TXNDC11: variants seen among roughly 807,000 people sequenced by gnomAD.
TXNDC11 encodes the protein thioredoxin domain-containing protein 11.
A neutral mutation model predicts 78.0 loss-of-function variants in TXNDC11; 68 were observed. That is an observed-to-expected ratio of 0.87 (90% CI 0.72 to 1.07). The LOEUF (loss-of-function observed/expected upper bound fraction) is 1.07. Among genes scored for constraint, TXNDC11 ranks in the 50% least tolerant of loss-of-function variants. The probability of loss-of-function intolerance (pLI) is 0.00; values close to 1 mark genes in which losing one functional copy is unlikely to be tolerated. For missense variants in TXNDC11, 1,389 were observed against 1,221.8 expected (o/e 1.14, Z -2.04); for synonymous variants, 571 against 495.2 (o/e 1.15, Z -2.03).
At chr16:11,737,648 G>GATCTT (rs2052264984) in intron 1 of TXNDC11, among the ~76,000 whole-genome samples, 3 of 151,762 alleles carry the variant, frequency 2.0e-5, no homozygotes, top group South Asian at 2.1e-4. Context: ...CAGACCACGA[G>GATCTT]GTCAGGAGAT....
At chr16:11,688,506 A>T in intron 8 of TXNDC11, 61 bp from the exon 9 acceptor site, 1 of 1,352,438 alleles carries the variant, frequency 7.4e-7, no homozygotes, top group Non-Finnish European at 1.0e-6. Context: ...TAGCTGGCCT[A>T]CTTTTAAACT....
chr16:11,697,250 C>T (rs887799875), intron 7 of TXNDC11, among the ~76,000 whole-genome samples: 7 of 152,162 alleles, frequency 4.6e-5, no homozygotes, highest in Admixed American at 2.0e-4. Context: ...TCCACCTGGG[C>T]GAGAAGTCCT....
intron 4 of TXNDC11, among the ~76,000 whole-genome samples, chr16:11,726,920 G>C (rs1416835738): frequency 1.3e-5 from 2 of 152,060 alleles, no homozygotes; most frequent in East Asian, 3.9e-4. Flanking sequence ...AGGCGTGGAG[G>C]CACATGCCTG....
chr16:11,737,204 G>A (rs1567354269), intron 1 of TXNDC11, among the ~76,000 whole-genome samples: 1 of 152,142 alleles, frequency 6.6e-6, no homozygotes, highest in Non-Finnish European at 1.5e-5. Flanking sequence ...CCAGCACTTT[G>A]GGAGGCCGAG....
At chr16:11,731,317 T>C (rs866986702) in intron 3 of TXNDC11, among the ~76,000 whole-genome samples, 7 of 152,170 alleles carry the variant, frequency 4.6e-5, no homozygotes, top group South Asian at 2.1e-4. Context: ...CAATAACAAA[T>C]TATGTGAAGG....
intron 9 of TXNDC11, 113 bp from the exon 10 acceptor site, chr16:11,688,079 A>G (rs1428697582): frequency 1.0e-6 from 1 of 962,528 alleles, no homozygotes; most frequent in Non-Finnish European, 1.6e-6. Context: ...CTATGCAAAT[A>G]TTACAGTGAA....
rs1597409025 is a variant in TXNDC11 at position 11,688,408 on chromosome 16, G to C, written c.1938C>G (p.Pro646=). Reference sequence around the variant, plus strand: ...CACTTCCAATGAGATGCCTTTTCAAGGGACTATAGAGAACGCTGAAGTTTT... The same window carrying C: ...CACTTCCAATGAGATGCCTTTTCAACGGACTATAGAGAACGCTGAAGTTTT... The part of the protein sequence containing the change: ...FIQNFSVLYS[P]LKRHLIGSGS... The change falls in exon 9 of 12, where the codon CCC becomes CCG. Residue 646 remains proline (P), a synonymous_variant. Transcript: ENST00000283033. The C allele has an allele frequency of 1.2e-6, 2 of 1,613,602 alleles. No homozygotes were observed. The highest frequency in any genetic ancestry group is 8.5e-7 in the Non-Finnish European group (1 of 1,179,842).
chr16:11,699,554 T>C (rs1396913634), intron 6 of TXNDC11, among the ~76,000 whole-genome samples: 1 of 152,216 alleles, frequency 6.6e-6, no homozygotes, highest in Non-Finnish European at 1.5e-5. Context: ...AACACAAAAA[T>C]ACATTTGACT....
chr16:11,687,491 G>A (rs1378018521), intron 10 of TXNDC11, among the ~76,000 whole-genome samples: 1 of 152,186 alleles, frequency 6.6e-6, no homozygotes, highest in Non-Finnish European at 1.5e-5. Context: ...ATAAACCAGG[G>A]CTGGTGGAGA....
chr16:11,682,520 C>T (rs907699131), intron 11 of TXNDC11, among the ~76,000 whole-genome samples: 3 of 152,198 alleles, frequency 2.0e-5, no homozygotes, highest in Non-Finnish European at 4.4e-5. Context: ...CACCCTGCCA[C>T]CTGTTCCGCC....
chr16:11,703,240 T>C (rs573298261), intron 5 of TXNDC11, among the ~76,000 whole-genome samples: 10 of 152,198 alleles, frequency 6.6e-5, no homozygotes, highest in Non-Finnish European at 1.5e-4. Flanking sequence ...AACAGTATCT[T>C]GACTGGATGC....
chr16:11,724,622 C>T (rs1462224218), intron 4 of TXNDC11, among the ~76,000 whole-genome samples: 1 of 152,102 alleles, frequency 6.6e-6, no homozygotes, highest in African/African-American at 2.4e-5. Context: ...AAAAATGACA[C>T]TGGTTCTGTT....
In TXNDC11 at chr16:11,742,625, T is replaced by C; in HGVS notation, c.106A>G (p.Ser36Gly). 6.8e-7 allele frequency: 1 copy of C among 1,463,576 alleles called. No homozygotes were observed. The highest frequency in any genetic ancestry group is 9.0e-7 in the Non-Finnish European group (1 of 1,113,992). 90.7% of individuals were successfully genotyped at this position (1,463,576 alleles called of 1,614,324 possible). A position where few individuals can be genotyped will look rare whatever the true frequency, so the allele number is the denominator to read the frequency against. The change falls in exon 1 of 12, where the codon AGC (serine) becomes GGC (glycine). Residue 36 changes from serine (S) to glycine (G), a missense_variant. Ser to Gly is a moderately conservative substitution (Grantham distance 56, BLOSUM62 0). Coordinates refer to ENST00000283033, the MANE Select transcript of TXNDC11 (RefSeq NM_015914.7). ...GAGGACGCTGTGGCCAGGGTCGGGC[T>C]CGAGCTGAGGCAGTCTGAGCCCGCG... ...GPAGSDCLSS[S>G]PTLATASSAG...
Position 11,736,019 on chromosome 16 carries a change from G to C in TXNDC11, c.469C>G (p.Gln157Glu). 1.2e-6 allele frequency: 2 copies of C among 1,613,536 alleles called. No individual in the cohort carries two copies. The highest frequency in any genetic ancestry group is 2.2e-5 in the South Asian group (2 of 91,044). The change falls in exon 2 of 12, where the codon CAG (glutamine) becomes GAG (glutamate). Residue 157 changes from glutamine (Q) to glutamate (E), a missense_variant and splice_region_variant. Coordinates refer to ENST00000283033, the MANE Select transcript of TXNDC11 (RefSeq NM_015914.7). ...IEQAASRLSDQVLFVAINCWW... is the reference protein window; with the variant it reads ...IEQAASRLSDEVLFVAINCWW... ...CTTAAGCTGAATGTGAGCATTACCTGATCTGAAAGCCGACTTGCTGCTTGC... is the reference window on the plus strand; with the variant it reads ...CTTAAGCTGAATGTGAGCATTACCTCATCTGAAAGCCGACTTGCTGCTTGC...
intron 2 of TXNDC11, among the ~76,000 whole-genome samples, chr16:11,734,685 T>C (rs1030102249): frequency 1.3e-5 from 2 of 152,208 alleles, no homozygotes; most frequent in African/African-American, 4.8e-5. Context: ...TAAAACACAA[T>C]AGATATCCCT....
At position 11,700,459 on chromosome 16, in the gene TXNDC11, G is replaced by A. The variant is rs755602922; in HGVS notation, c.899C>T (p.Thr300Ile). ...TGATTTCAAAATACTTACAAGTGAT[G>A]TGTTGAAATGTCTATGTAAATACAC... ...GSVYLHRHFN[T>I]SLVFPREVLN... Residue 300 changes from threonine (T) to isoleucine (I), a missense_variant, in exon 6 of 12, where the codon ACA (threonine) becomes ATA (isoleucine). Transcript: ENST00000283033. 6.8e-7 allele frequency: 1 copy of A among 1,470,262 alleles called. No individual in the cohort carries two copies. The highest frequency in any genetic ancestry group is 2.3e-5 in the East Asian group (1 of 43,988). The allele number at this position is 1,470,262 out of a possible 1,614,324, so 91.1% of individuals were successfully genotyped here.
Position 11,715,690 on chromosome 16 carries a change from C to T in TXNDC11, c.793+5887G>A, listed in dbSNP as rs1409908204. ...CAAAACAAAACCCTGCCATCAAGGT[C>T]CTCAGTAAATATTATCTGAAAAATT... On this transcript the variant is annotated intron_variant, in intron 5 of 11. Transcript: ENST00000283033. Among the ~76,000 whole-genome samples, 5 of 152,280 alleles carry T rather than the reference C, an allele frequency of 3.3e-5. No individual in the cohort carries two copies. The South Asian group carries it at 8.3e-4, about 25-fold the overall frequency.
At chr16:11,685,130 G>A (rs1239520133) in intron 10 of TXNDC11, among the ~76,000 whole-genome samples, 6 of 152,348 alleles carry the variant, frequency 3.9e-5, no homozygotes, top group East Asian at 3.9e-4. Context: ...TTGGGAGGCC[G>A]AGGTGGGTGG....
intron 4 of TXNDC11, among the ~76,000 whole-genome samples, chr16:11,729,601 T>C (rs553859475): frequency 1.3e-5 from 2 of 152,344 alleles, no homozygotes; most frequent in African/African-American, 4.8e-5. Flanking sequence ...GGTCTGGATA[T>C]ACATGGTTTT....
Sources: gnomAD v4.1 joint callset for allele counts (sites outside exome capture counted in the v4.1 genomes callset) on GRCh38, gnomAD v4.1.1 for gene constraint, MANE v1.5 for transcripts, NCBI Gene and HGNC (gene_info 2026-07-23, HGNC 2026-07-21) for gene names.